SLC25A19: variants seen among roughly 807,000 people sequenced by gnomAD.
The protein encoded by SLC25A19 is mitochondrial thiamine pyrophosphate carrier.
SLC25A19 carries 18 observed loss-of-function variants against 27.9 expected under a neutral mutation model. That is an observed-to-expected ratio of 0.64 (90% CI 0.45 to 0.96). The LOEUF is 0.96. Ranked by LOEUF, SLC25A19 falls within the 40% of genes least tolerant of loss-of-function variation. The pLI is 0.00. For synonymous variants in SLC25A19, 169 were observed against 167.1 expected (o/e 1.01, Z -0.09); for missense variants, 371 against 418.3 (o/e 0.89, Z 0.99).
chr17:75,279,799 G>T (rs1054149404), intron 5 of SLC25A19, among the ~76,000 whole-genome samples: 1 of 152,090 alleles, frequency 6.6e-6, no homozygotes, highest in African/African-American at 2.4e-5. Context: ...GAGCCATCGC[G>T]CCCAGCCCAA....
At chr17:75,287,450 C>A (rs73358204) in intron 2 of SLC25A19, 1 of 152,582 alleles carries the variant, frequency 6.6e-6, no homozygotes, top group African/African-American at 2.4e-5. Flanking sequence ...GTCTCTCTCC[C>A]TGACTAGAAT....
intron 7 of SLC25A19, among the ~76,000 whole-genome samples, chr17:75,274,205 A>G (rs952327955): frequency 6.6e-6 from 1 of 152,158 alleles, no homozygotes; most frequent in Non-Finnish European, 1.5e-5. Context: ...GGATCCAGCA[A>G]TGGCTCCAGA....
At chr17:75,278,095 G>A (rs2077938153) in intron 6 of SLC25A19, 57 bp downstream of exon 6, 2 of 1,577,368 alleles carry the variant, frequency 1.3e-6, no homozygotes, top group East Asian at 2.2e-5. Context: ...TGATTTGGAA[G>A]GGGGTGTTCT....
intron 5 of SLC25A19, among the ~76,000 whole-genome samples, chr17:75,282,303 C>A (rs929535378): frequency 3.3e-5 from 5 of 151,582 alleles, no homozygotes; most frequent in African/African-American, 1.2e-4. Flanking sequence ...GTAATCCTAG[C>A]ACTTTGGGAG....
intron 5 of SLC25A19, among the ~76,000 whole-genome samples, chr17:75,283,057 T>C (rs906121886): frequency 6.7e-6 from 1 of 150,184 alleles, no homozygotes; most frequent in Admixed American, 6.7e-5. Context: ...CCTAGCACTT[T>C]GGGAGGCCGA....
intron 6 of SLC25A19, among the ~76,000 whole-genome samples, chr17:75,277,835 C>G (rs1394173931): frequency 2.6e-5 from 4 of 152,002 alleles, no homozygotes; most frequent in South Asian, 2.1e-4. Context: ...CCCACTCCCC[C>G]TGCCTGGAAA....
chr17:75,285,070 C>T (rs1477518964), intron 4 of SLC25A19, among the ~76,000 whole-genome samples: 4 of 151,580 alleles, frequency 2.6e-5, no homozygotes, highest in African/African-American at 7.3e-5. Flanking sequence ...ATAGCTGGGA[C>T]GACAGGTGTG....
At chr17:75,280,722 A>T (rs911520724) in intron 5 of SLC25A19, among the ~76,000 whole-genome samples, 1 of 151,982 alleles carries the variant, frequency 6.6e-6, no homozygotes, top group Non-Finnish European at 1.5e-5. Flanking sequence ...CTGAGGCGGG[A>T]GAATCACTTA....
intron 7 of SLC25A19, among the ~76,000 whole-genome samples, chr17:75,275,487 G>A (rs1440750946): frequency 1.3e-5 from 2 of 151,984 alleles, no homozygotes; most frequent in African/African-American, 4.8e-5. Flanking sequence ...AGGTTCCCAG[G>A]ATACAGAGGG....
At chr17:75,284,142 C>T (rs56367422) in intron 4 of SLC25A19, among the ~76,000 whole-genome samples, 8,249 of 152,066 alleles carry the variant, frequency 0.054, 305 homozygotes, top group Middle Eastern at 0.13. Context: ...CAGTGGCCCA[C>T]GCCTGTAATC....
Position 75,277,359 on chromosome 17 carries a change from A to G in SLC25A19, c.768T>C (p.Phe256=). The change falls in exon 7 of 8, where the codon TTT becomes TTC. Residue 256 remains phenylalanine, a synonymous_variant. Coordinates refer to ENST00000416858, the MANE Select transcript of SLC25A19 (RefSeq NM_001126121.2). The stretch of plus-strand genomic sequence containing the variant: ...CTGGGAGTGAACGGCTCACCTGGCC[A>G]AAGGCAGCTCTGGCATGCTCAAACC... ...VGGFEHARAA[F]GQVRRYKGLM... The G allele has an allele frequency of 3.7e-6, 6 of 1,613,468 alleles. No homozygotes were observed. The highest frequency in any genetic ancestry group is 1.8e-4 in the Middle Eastern group (1 of 5,712).
At position 75,286,705 on chromosome 17, in the gene SLC25A19, C is replaced by T. The variant is rs776180300; in HGVS notation, c.60G>A (p.Val20=). ...TAACAAGTCCAGACACAGACCCAGC[C>T]ACTGCCACCTGGAACTTGGTGTTAT... ...GRNNTKFQVA[V]AGSVSGLVTR... Residue 20 remains valine, a synonymous_variant, in exon 3 of 8, where the codon GTG becomes GTA. Coordinates refer to ENST00000416858, the MANE Select transcript of SLC25A19 (RefSeq NM_001126121.2). The T allele has an allele frequency of 6.2e-6, 10 of 1,614,186 alleles. No homozygotes were observed. In the East Asian group the frequency reaches 2.0e-4, roughly 32 times the overall value.
chr17:75,285,179 C>T (rs2078153051), intron 4 of SLC25A19, among the ~76,000 whole-genome samples: 1 of 152,156 alleles, frequency 6.6e-6, no homozygotes, highest in Non-Finnish European at 1.5e-5. Flanking sequence ...TCAAGCCATC[C>T]TCCCACCTCA....
intron 6 of SLC25A19, 70 bp from the exon 7 acceptor site, chr17:75,277,553 C>CCTGA: frequency 1.9e-6 from 3 of 1,579,992 alleles, no homozygotes; most frequent in Non-Finnish European, 2.6e-6. Flanking sequence ...ACTTAAAAGG[C>CCTGA]GTCAGGGCTA....
intron 7 of SLC25A19, 100 bp from the exon 8 acceptor site, chr17:75,273,739 G>C (rs571014168): frequency 4.7e-5 from 55 of 1,166,198 alleles, no homozygotes; most frequent in Non-Finnish European, 6.2e-5. Flanking sequence ...GCTGGACAAA[G>C]AAATGAATGC....
Position 75,286,616 on chromosome 17 carries a change from A to C in SLC25A19, c.132+17T>G. Reference sequence around the variant, plus strand: ...ACTTGTCCTCCAGTCCATTGCATGGAAAAAGGGGAAGAGTACCTGGAAACG... The same window carrying C: ...ACTTGTCCTCCAGTCCATTGCATGGCAAAAGGGGAAGAGTACCTGGAAACG... On this transcript the variant is annotated intron_variant, in intron 3 of 7. Transcript: ENST00000416858. 6.2e-7 allele frequency: 1 copy of C among 1,614,114 alleles called. No individual in the cohort carries two copies. Among genetic ancestry groups the C allele is most frequent in the African/African-American group, 1.3e-5 (1 of 75,044 alleles).
intron 5 of SLC25A19, among the ~76,000 whole-genome samples, chr17:75,278,753 C>A (rs2077961892): frequency 6.6e-6 from 1 of 151,876 alleles, no homozygotes; most frequent in Non-Finnish European, 1.5e-5. Flanking sequence ...GAGGCTGAGG[C>A]AGGCAGATCA....
Position 75,286,752 on chromosome 17 carries a change from C to A in SLC25A19, c.13G>T (p.Asp5Tyr). Residue 5 changes from aspartate (D) to tyrosine (Y), a missense_variant, in exon 3 of 8, where the codon GAC becomes TAC. Asp to Tyr is a radical substitution (Grantham distance 160, BLOSUM62 -3). Coordinates refer to ENST00000416858, the MANE Select transcript of SLC25A19 (RefSeq NM_001126121.2). ...TTATTCCTGCCATCTGGTTTGGGGT[C>A]ATAGCCAACCATCCCTGCCTCTGGC... MVGY[D>Y]PKPDGRNNTK... The A allele has an allele frequency of 1.2e-6, 2 of 1,614,112 alleles. No homozygotes were observed. Among genetic ancestry groups the A allele is most frequent in the Non-Finnish European group, 8.5e-7 (1 of 1,180,044 alleles).
Position 75,286,640 on chromosome 17 carries a change from C to A in SLC25A19, c.125G>T (p.Arg42Leu), listed in dbSNP as rs763480652. ...LISPFDVIKI[R>L]FQLQHERLSR... ...GAAAAAGGGGAAGAGTACCTGGAAA[C>A]GGATCTTGATGACGTCGAAGGGACT... is the stretch of plus-strand genomic sequence containing the variant. The change falls in exon 3 of 8, where the codon CGT becomes CTT. Residue 42 changes from arginine (R) to leucine (L), a missense_variant. Arg to Leu is a moderately radical substitution (Grantham distance 102, BLOSUM62 -2). Coordinates refer to ENST00000416858, the MANE Select transcript of SLC25A19 (RefSeq NM_001126121.2). The A allele has an allele frequency of 1.9e-6, 3 of 1,614,158 alleles. No homozygotes were observed. Among genetic ancestry groups the A allele is most frequent in the Non-Finnish European group, 2.5e-6 (3 of 1,180,042 alleles).
Sources: gnomAD v4.1 joint callset for allele counts (sites outside exome capture counted in the v4.1 genomes callset) on GRCh38, gnomAD v4.1.1 for gene constraint, MANE v1.5 for transcripts, NCBI Gene and HGNC (gene_info 2026-07-23, HGNC 2026-07-21) for gene names.